Variants in ASCC3 observed in about 807,000 individuals in gnomAD.
ASCC3 encodes ASC-1 complex subunit P200.
Under a neutral mutation model 256.3 loss-of-function variants are expected in ASCC3, and 158 were observed. The observed-to-expected ratio is 0.62, with a 90% CI of 0.54 to 0.70. The LOEUF is 0.70. Among genes scored for constraint, ASCC3 ranks in the 30% least tolerant of loss-of-function variants. ASCC3 has a pLI of 0.00. For synonymous variants in ASCC3, 948 were observed against 883.4 expected (o/e 1.07, Z -1.30); for missense variants, 2,259 against 2,626.0 (o/e 0.86, Z 3.05).
intron 13 of ASCC3, among the ~76,000 whole-genome samples, chr6:100,697,008 G>C (rs1253372320): frequency 6.6e-6 from 1 of 151,996 alleles, no homozygotes; most frequent in Non-Finnish European, 1.5e-5. Flanking sequence ...AGAAATATTT[G>C]ATTTAAATCA....
chr6:100,546,279 T>C lies in ASCC3; in HGVS notation c.5551-5892A>G, dbSNP rs145270098. 4.9e-4 allele frequency among the ~76,000 whole-genome samples: 74 copies of C among 152,286 alleles called. 1 individual carries two copies. Among genetic ancestry groups the C allele is most frequent in the African/African-American group, 1.7e-3 (70 of 41,576 alleles). On this transcript the variant is annotated intron_variant, in intron 36 of 41. Coordinates refer to ENST00000369162, the MANE Select transcript of ASCC3 (RefSeq NM_006828.4). ...ATCCAACTAAATGAAGGGTTATACC[T>C]TAATTCTCCCAAATTGATCTACAGA...
chr6:100,591,134 GATAA>G (rs1380161011), intron 34 of ASCC3, among the ~76,000 whole-genome samples: 1 of 151,996 alleles, frequency 6.6e-6, no homozygotes, highest in Non-Finnish European at 1.5e-5. Context: ...TCAATTAAGA[GATAA>G]ATAAGTACTG....
intron 10 of ASCC3, 84 bp from the exon 11 acceptor site, chr6:100,725,787 G>A: frequency 1.4e-6 from 2 of 1,449,814 alleles, no homozygotes; most frequent in South Asian, 1.2e-5. Context: ...GAAATATTTT[G>A]GCCACCTCTA....
At chr6:100,718,786 C>T (rs1482140538) in intron 11 of ASCC3, among the ~76,000 whole-genome samples, 2 of 151,970 alleles carry the variant, frequency 1.3e-5, no homozygotes, top group African/African-American at 4.8e-5. Context: ...GAATTAAGAA[C>T]TTTGTGACAA....
At chr6:100,797,470 A>C (rs1769680741) in intron 8 of ASCC3, among the ~76,000 whole-genome samples, 3 of 141,398 alleles carry the variant, frequency 2.1e-5, no homozygotes, top group African/African-American at 7.9e-5. Flanking sequence ...CAAAAAAAAA[A>C]AAAAAATGAA....
chr6:100,872,854 G>A (rs1773814594), intron 1 of ASCC3, among the ~76,000 whole-genome samples: 1 of 152,122 alleles, frequency 6.6e-6, no homozygotes, highest in Non-Finnish European at 1.5e-5. Flanking sequence ...TATCATCAAG[G>A]GAACACCCCG....
chr6:100,846,782 T>C (rs1772404940), intron 4 of ASCC3, among the ~76,000 whole-genome samples: 1 of 152,180 alleles, frequency 6.6e-6, no homozygotes, highest in South Asian at 2.1e-4. Flanking sequence ...TTTGCTACCA[T>C]ACTAACACCT....
At chr6:100,685,976 T>C (rs1386755859) in intron 13 of ASCC3, among the ~76,000 whole-genome samples, 2 of 152,170 alleles carry the variant, frequency 1.3e-5, no homozygotes, top group African/African-American at 4.8e-5. Flanking sequence ...CAAATAACTT[T>C]CCATATTTAG....
chr6:100,641,799 T>C (rs1333870534), intron 24 of ASCC3, among the ~76,000 whole-genome samples: 1 of 151,940 alleles, frequency 6.6e-6, no homozygotes, highest in Non-Finnish European at 1.5e-5. Context: ...ATTAAGAAAA[T>C]GTGGCACATA....
intron 13 of ASCC3, among the ~76,000 whole-genome samples, chr6:100,712,613 G>A: frequency 6.6e-6 from 1 of 152,080 alleles, no homozygotes; most frequent in East Asian, 1.9e-4. Context: ...AAAACCAAAT[G>A]CTGGCAAGGA....
At chr6:100,808,958 G>A (rs1038445438) in intron 4 of ASCC3, among the ~76,000 whole-genome samples, 4 of 151,852 alleles carry the variant, frequency 2.6e-5, no homozygotes, top group African/African-American at 9.7e-5. Flanking sequence ...TGTAAACACG[G>A]ACAAGATACA....
intron 3 of ASCC3, chr6:100,858,630 T>C: frequency 1.0e-6 from 1 of 988,416 alleles, no homozygotes; most frequent in East Asian, 1.1e-4. Context: ...ATTAATCCAC[T>C]CATTATAAAC....
At chr6:100,763,422 T>G (rs9404031) in intron 10 of ASCC3, among the ~76,000 whole-genome samples, 11 of 151,962 alleles carry the variant, frequency 7.2e-5, no homozygotes, top group African/African-American at 2.7e-4. Context: ...GGGTAAGAAA[T>G]AGATGTTCAT....
chr6:100,662,797 C>A (rs1288371676), intron 14 of ASCC3, among the ~76,000 whole-genome samples: 1 of 151,978 alleles, frequency 6.6e-6, no homozygotes, highest in African/African-American at 2.4e-5. Context: ...TCCAGATGTC[C>A]CTTTTTGCAA....
intron 36 of ASCC3, among the ~76,000 whole-genome samples, chr6:100,548,737 C>A (rs1313233411): frequency 6.6e-6 from 1 of 151,804 alleles, no homozygotes; most frequent in Non-Finnish European, 1.5e-5. Context: ...CTAAGATATA[C>A]AGGATGAGCA....
At chr6:100,645,239 A>T (rs1014258455) in intron 22 of ASCC3, among the ~76,000 whole-genome samples, 2 of 152,104 alleles carry the variant, frequency 1.3e-5, no homozygotes, top group African/African-American at 4.8e-5. Context: ...TAAAATTTCA[A>T]ATATGAGTTT....
At chr6:100,625,136 C>T in intron 30 of ASCC3, 56 bp downstream of exon 30, 3 of 1,591,596 alleles carry the variant, frequency 1.9e-6, no homozygotes, top group Non-Finnish European at 2.6e-6. Context: ...AATGATCATT[C>T]TAATATAATA....
At chr6:100,715,855 G>A (rs1338014764) in intron 12 of ASCC3, among the ~76,000 whole-genome samples, 2 of 151,542 alleles carry the variant, frequency 1.3e-5, no homozygotes, top group Non-Finnish European at 3.0e-5. Flanking sequence ...AGTTCTCTCT[G>A]CTTTTCTGAG....
At chr6:100,861,449 T>C (rs565391919) in intron 3 of ASCC3, among the ~76,000 whole-genome samples, 4 of 152,270 alleles carry the variant, frequency 2.6e-5, no homozygotes, top group South Asian at 4.2e-4. Context: ...TATAGCAAAA[T>C]TGTCTATGAT....
Sources: gnomAD v4.1 joint callset for allele counts (sites outside exome capture counted in the v4.1 genomes callset) on GRCh38, gnomAD v4.1.1 for gene constraint, MANE v1.5 for transcripts, NCBI Gene and HGNC (gene_info 2026-07-23, HGNC 2026-07-21) for gene names.